UBE4B: variants seen among roughly 807,000 people sequenced by gnomAD.
UBE4B encodes the protein ubiquitination factor E4B.
In UBE4B, 27 loss-of-function variants were observed where a neutral mutation model predicts 148.1. The observed-to-expected ratio is 0.18, with a 90% CI of 0.13 to 0.25. UBE4B has a LOEUF of 0.25. Among genes scored for constraint, UBE4B ranks in the 10% least tolerant of loss-of-function variants. The pLI is 1.00. For synonymous variants in UBE4B, 596 were observed against 619.3 expected (o/e 0.96, Z 0.56); for missense variants, 1,170 against 1,662.4 (o/e 0.70, Z 5.15).
chr1:10,154,342 C>T (rs1040570870), intron 21 of UBE4B, among the ~76,000 whole-genome samples: 6 of 151,898 alleles, frequency 4.0e-5, no homozygotes, highest in East Asian at 3.9e-4. Context: ...AGCTTGAACC[C>T]GGGAGGTGGA....
At chr1:10,177,057 G>A (rs534929257) in intron 25 of UBE4B, among the ~76,000 whole-genome samples, 49 of 151,280 alleles carry the variant, frequency 3.2e-4, no homozygotes, top group African/African-American at 1.2e-3. Flanking sequence ...AAAGTGCTGG[G>A]ATTACAGGCG....
intron 23 of UBE4B, among the ~76,000 whole-genome samples, chr1:10,164,518 G>A (rs895235241): frequency 2.0e-5 from 3 of 152,108 alleles, no homozygotes; most frequent in East Asian, 3.9e-4. Flanking sequence ...GCTGGCCAGC[G>A]TATATTTTAG....
At chr1:10,148,671 G>A (rs1280945993) in intron 19 of UBE4B, among the ~76,000 whole-genome samples, 1 of 148,684 alleles carries the variant, frequency 6.7e-6, no homozygotes, top group East Asian at 2.0e-4. Flanking sequence ...CAGGTGTGGT[G>A]GCTCACACCT....
rs547414332 is a variant in UBE4B, at chr1:10,135,593, G to A, written c.2224+407G>A. ...CTCTACTAAAAATACAAAAATTAGCGGGTGTGGTGGCACGCACCTGTAATC... is the reference window on the plus strand; with the variant it reads ...CTCTACTAAAAATACAAAAATTAGCAGGTGTGGTGGCACGCACCTGTAATC... On this transcript the variant is annotated intron_variant, in intron 16 of 27. Coordinates refer to ENST00000343090, the MANE Select transcript of UBE4B (RefSeq NM_001105562.3). Among the ~76,000 whole-genome samples, 156 of 151,886 alleles carry A rather than the reference G, an allele frequency of 1.0e-3. 1 individual carries two copies. Among genetic ancestry groups the A allele is most frequent in the African/African-American group, 3.5e-3 (144 of 41,450 alleles).
At chr1:10,085,278 T>A (rs1353638131) in intron 2 of UBE4B, among the ~76,000 whole-genome samples, 2 of 152,232 alleles carry the variant, frequency 1.3e-5, no homozygotes, top group Non-Finnish European at 2.9e-5. Context: ...CTTTGTTCCC[T>A]TCTCCTTCTC....
At chr1:10,088,728 G>A (rs1172401228) in intron 2 of UBE4B, among the ~76,000 whole-genome samples, 1 of 151,468 alleles carries the variant, frequency 6.6e-6, no homozygotes, top group Non-Finnish European at 1.5e-5. Flanking sequence ...CACCCAGGCT[G>A]GGGGACAGTG....
At chr1:10,169,020 G>A in intron 24 of UBE4B, among the ~76,000 whole-genome samples, 1 of 152,170 alleles carries the variant, frequency 6.6e-6, no homozygotes, top group Non-Finnish European at 1.5e-5. Context: ...TTACACTCAG[G>A]AAGCCAAAGG....
chr1:10,167,589 CTTTTTTTTT>C (rs1166780306), intron 23 of UBE4B, among the ~76,000 whole-genome samples: 1 of 120,054 alleles, frequency 8.3e-6, no homozygotes, highest in Non-Finnish European at 1.7e-5. Context: ...TTGATGGTGA[CTTTTTTTTT>C]TTTTTTTTTT....
intron 7 of UBE4B, among the ~76,000 whole-genome samples, chr1:10,113,590 G>A (rs974190688): frequency 6.6e-5 from 10 of 152,180 alleles, no homozygotes; most frequent in African/African-American, 2.4e-4. Context: ...GGCAGTGAGG[G>A]TTTCAAATTT....
At chr1:10,040,716 C>G (rs1273343040) in intron 1 of UBE4B, among the ~76,000 whole-genome samples, 1 of 151,824 alleles carries the variant, frequency 6.6e-6, no homozygotes, top group South Asian at 2.1e-4. Context: ...CTCCCAGGTT[C>G]AAGCGATTCT....
chr1:10,096,271 A>G (rs1375975988), intron 3 of UBE4B, among the ~76,000 whole-genome samples: 1 of 152,160 alleles, frequency 6.6e-6, no homozygotes, highest in Non-Finnish European at 1.5e-5. Context: ...GTACGGATCA[A>G]GGTGTCTTGA....
chr1:10,085,725 ACAGCGTGCATTTGATG>A (rs1222449988), intron 2 of UBE4B, among the ~76,000 whole-genome samples: 2 of 152,190 alleles, frequency 1.3e-5, no homozygotes, highest in Non-Finnish European at 2.9e-5. Context: ...GAGTTCACTA[ACAGCGTGCATTTGATG>A]CAGCCACCAT....
chr1:10,082,978 G>A (rs1270059684), intron 2 of UBE4B, among the ~76,000 whole-genome samples: 1 of 152,090 alleles, frequency 6.6e-6, no homozygotes, highest in African/African-American at 2.4e-5. Flanking sequence ...TCCCTGCAAA[G>A]GACATGATCT....
chr1:10,158,548 A>C, intron 22 of UBE4B, 66 bp downstream of exon 22: 1 of 1,579,870 alleles, frequency 6.3e-7, no homozygotes, highest in Non-Finnish European at 8.6e-7. Context: ...TTGCAGCTTA[A>C]AAGCATGCAC....
chr1:10,126,165 G>A (rs1645490274), intron 10 of UBE4B, among the ~76,000 whole-genome samples: 1 of 152,038 alleles, frequency 6.6e-6, no homozygotes, highest in Non-Finnish European at 1.5e-5. Flanking sequence ...CAGGTGTGGT[G>A]GCACATGCCT....
At chr1:10,151,631 G>A (rs748898902) in intron 21 of UBE4B, 70 bp downstream of exon 21, 71 of 1,364,964 alleles carry the variant, frequency 5.2e-5, no homozygotes, top group Non-Finnish European at 6.7e-5. Context: ...GCTAGTGGAC[G>A]ACGTTGCTCT....
chr1:10,084,639 C>G (rs1280110084), intron 2 of UBE4B, among the ~76,000 whole-genome samples: 1 of 152,028 alleles, frequency 6.6e-6, no homozygotes, highest in Non-Finnish European at 1.5e-5. Context: ...TGGGACTACA[C>G]TGGGAGTTTT....
chr1:10,156,290 A>G (rs1415077115), intron 21 of UBE4B, among the ~76,000 whole-genome samples: 12 of 142,824 alleles, frequency 8.4e-5, no homozygotes, highest in Non-Finnish European at 1.6e-4. Context: ...CCCACGCTAG[A>G]GTGTAGTGGT....
chr1:10,063,207 G>A (rs1267366863), intron 1 of UBE4B, among the ~76,000 whole-genome samples: 4 of 152,176 alleles, frequency 2.6e-5, no homozygotes, highest in African/African-American at 2.4e-5. Flanking sequence ...GGCAGAGGTT[G>A]CAGTGAGCTG....
Sources: allele counts gnomAD v4.1 joint callset (sites outside exome capture counted in the v4.1 genomes callset), GRCh38; gene constraint gnomAD v4.1.1; transcripts MANE v1.5; gene names NCBI Gene and HGNC (gene_info 2026-07-23, HGNC 2026-07-21).